Variants in BACH2 observed in about 807,000 individuals in gnomAD.
BACH2 encodes transcription regulator protein BACH2.
A neutral mutation model predicts 61.8 loss-of-function variants in BACH2; 5 were observed. The observed-to-expected ratio is 0.08, with a 90% CI of 0.04 to 0.17. BACH2 has a LOEUF of 0.17. Among genes scored for constraint, BACH2 ranks in the 10% least tolerant of loss-of-function variants. BACH2 has a pLI of 1.00. For synonymous variants in BACH2, 446 were observed against 440.1 expected (o/e 1.01, Z -0.17); for missense variants, 824 against 1,091.1 (o/e 0.76, Z 3.45).
At chr6:90,009,662 ATTTC>A (rs1316070895) in intron 5 of BACH2, among the ~76,000 whole-genome samples, 2 of 152,136 alleles carry the variant, frequency 1.3e-5, no homozygotes, top group African/African-American at 4.8e-5. Flanking sequence ...CCATTGAAAT[ATTTC>A]TTTTTCTTTT....
intron 6 of BACH2, among the ~76,000 whole-genome samples, chr6:89,975,354 T>C (rs2128361917): frequency 6.6e-6 from 1 of 152,358 alleles, no homozygotes; most frequent in African/African-American, 2.4e-5. Flanking sequence ...TTCACTTTAT[T>C]AACTTTTTTA....
chr6:90,211,418 A>G (rs1582490196), intron 3 of BACH2, among the ~76,000 whole-genome samples: 1 of 152,190 alleles, frequency 6.6e-6, no homozygotes, highest in East Asian at 1.9e-4. Context: ...TGGAGAAAAC[A>G]CCAGGCGTAC....
At chr6:90,158,354 GC>G (rs1300433423) in intron 4 of BACH2, among the ~76,000 whole-genome samples, 1 of 152,114 alleles carries the variant, frequency 6.6e-6, no homozygotes, top group Admixed American at 6.5e-5. Flanking sequence ...CTATCAAATG[GC>G]CATTCCCCTT....
intron 4 of BACH2, among the ~76,000 whole-genome samples, chr6:90,161,229 T>A (rs1276733855): frequency 6.6e-6 from 1 of 152,150 alleles, no homozygotes; most frequent in Non-Finnish European, 1.5e-5. Flanking sequence ...CAATTAAAGT[T>A]TGGGATTAAA....
At chr6:90,195,814 G>T (rs1271932880) in intron 4 of BACH2, among the ~76,000 whole-genome samples, 2 of 152,102 alleles carry the variant, frequency 1.3e-5, no homozygotes, top group Non-Finnish European at 1.5e-5. Context: ...AGCAGCTAAG[G>T]TATCTTTTTA....
Position 90,273,326 on chromosome 6 carries a change from C to T in BACH2, c.-445-1385G>A, listed in dbSNP as rs140696943. 7.6e-3 allele frequency among the ~76,000 whole-genome samples: 1,160 copies of T among 152,178 alleles called. 14 individuals are homozygous for T. The highest frequency in any genetic ancestry group is 0.026 in the African/African-American group (1,091 of 41,508). ...TGAGCTACGATCATACCACTGCACT[C>T]CAGCCTGGGCAACAGAGCAAGACTC... On this transcript the variant is annotated intron_variant, in intron 1 of 8. Transcript: ENST00000257749.
chr6:89,987,742 C>T (rs1776321011), intron 6 of BACH2, among the ~76,000 whole-genome samples: 1 of 151,934 alleles, frequency 6.6e-6, no homozygotes. Context: ...TGAAGAGGTA[C>T]CTATGCCATT....
intron 3 of BACH2, among the ~76,000 whole-genome samples, chr6:90,248,381 T>A (rs1366768227): frequency 2.0e-5 from 3 of 152,156 alleles, no homozygotes; most frequent in Non-Finnish European, 2.9e-5. Flanking sequence ...GGATATTACA[T>A]ACAGCAGACA....
In BACH2 at chr6:89,927,905, G is replaced by C. The variant is rs1185853774; in HGVS notation, c.*4503C>G. 1 of 152,410 alleles carries C rather than the reference G, an allele frequency of 6.6e-6. No individual in the cohort carries two copies. The highest frequency in any genetic ancestry group is 1.5e-5 in the Non-Finnish European group (1 of 68,040). 9.4% of individuals were successfully genotyped at this position (152,410 alleles called of 1,614,324 possible). A position where few individuals can be genotyped will look rare whatever the true frequency, so the allele number is the denominator to read the frequency against. ...CAGATATGTTCTGTTCTACAGCATCGGTTTTGGACGCTGGGGTCATGAGAT... is the reference window on the plus strand; with the variant it reads ...CAGATATGTTCTGTTCTACAGCATCCGTTTTGGACGCTGGGGTCATGAGAT... On this transcript the variant is annotated 3_prime_UTR_variant, in exon 9 of 9. Transcript: ENST00000257749.
chr6:90,118,542 T>C (rs1191266460), intron 4 of BACH2, among the ~76,000 whole-genome samples: 3 of 152,198 alleles, frequency 2.0e-5, no homozygotes, highest in Admixed American at 6.5e-5. Context: ...TATCTATATG[T>C]ACCTCTTGTT....
chr6:90,154,146 G>C (rs1026720472), intron 4 of BACH2, among the ~76,000 whole-genome samples: 12 of 152,170 alleles, frequency 7.9e-5, no homozygotes, highest in Non-Finnish European at 1.3e-4. Context: ...TTTTGGCTGG[G>C]AGTGAGGGAG....
intron 3 of BACH2, among the ~76,000 whole-genome samples, chr6:90,237,624 T>C (rs1770303131): frequency 6.6e-6 from 1 of 151,328 alleles, no homozygotes; most frequent in Admixed American, 6.6e-5. Context: ...ACCAATAGTT[T>C]ACTTTCTCTT....
At chr6:90,253,196 A>G (rs1401187650) in intron 2 of BACH2, among the ~76,000 whole-genome samples, 5 of 152,072 alleles carry the variant, frequency 3.3e-5, no homozygotes, top group African/African-American at 1.2e-4. Flanking sequence ...GTGAGCCAAG[A>G]TTGCGCCATT....
At chr6:90,099,609 C>T (rs950510704) in intron 4 of BACH2, among the ~76,000 whole-genome samples, 1 of 152,152 alleles carries the variant, frequency 6.6e-6, no homozygotes, top group Non-Finnish European at 1.5e-5. Context: ...TTCTGAAACA[C>T]AGAAGGTATC....
At chr6:90,175,537 C>T (rs1408157022) in intron 4 of BACH2, among the ~76,000 whole-genome samples, 1 of 151,894 alleles carries the variant, frequency 6.6e-6, no homozygotes, top group East Asian at 1.9e-4. Flanking sequence ...AACCTAATCC[C>T]TTCTTTTGAA....
At chr6:90,101,105 T>C (rs952695089) in intron 4 of BACH2, among the ~76,000 whole-genome samples, 14 of 152,224 alleles carry the variant, frequency 9.2e-5, no homozygotes, top group East Asian at 1.9e-4. Context: ...CTTTTGAGCA[T>C]TGAGCTGTAA....
chr6:90,235,326 G>A (rs1249518150), intron 3 of BACH2, among the ~76,000 whole-genome samples: 1 of 152,138 alleles, frequency 6.6e-6, no homozygotes, highest in Non-Finnish European at 1.5e-5. Flanking sequence ...TTTGCTCTCG[G>A]TTTCCCAGTC....
chr6:90,107,062 A>C (rs1782953233), intron 4 of BACH2, among the ~76,000 whole-genome samples: 1 of 152,186 alleles, frequency 6.6e-6, no homozygotes, highest in South Asian at 2.1e-4. Flanking sequence ...AAATTTAAAA[A>C]TCATCATTTC....
chr6:90,188,266 T>C (rs1170870160), intron 4 of BACH2, among the ~76,000 whole-genome samples: 5 of 152,238 alleles, frequency 3.3e-5, no homozygotes, highest in African/African-American at 1.2e-4. Flanking sequence ...AGAATGTCAG[T>C]AGACACACCA....
Sources: allele counts gnomAD v4.1 joint callset (sites outside exome capture counted in the v4.1 genomes callset), GRCh38; gene constraint gnomAD v4.1.1; transcripts MANE v1.5; gene names NCBI Gene and HGNC (gene_info 2026-07-23, HGNC 2026-07-21).